TTC28: variants seen among roughly 807,000 people sequenced by gnomAD.
TTC28 encodes the protein tetratricopeptide repeat domain 28.
TTC28 carries 61 observed loss-of-function variants against 198.0 expected under a neutral mutation model. The ratio of observed to expected loss-of-function variants is 0.31; its 90% CI spans 0.25 to 0.38. The LOEUF (loss-of-function observed/expected upper bound fraction) is 0.38, where lower values mean the gene tolerates loss of function less well. Ranked by LOEUF, TTC28 falls within the 10% of genes least tolerant of loss-of-function variation. The probability of loss-of-function intolerance (pLI) is 1.00; values close to 1 mark genes in which losing one functional copy is unlikely to be tolerated. For missense variants in TTC28, 2,678 were observed against 3,164.0 expected, an observed-to-expected ratio of 0.85 and a Z score of 3.69; for synonymous variants, 1,171 against 1,297.8, an observed-to-expected ratio of 0.90 and a Z score of 2.10.
intron 2 of TTC28, among the ~76,000 whole-genome samples, chr22:28,424,259 G>C (rs2047310865): frequency 6.6e-6 from 1 of 152,062 alleles, no homozygotes; most frequent in South Asian, 2.1e-4. Context: ...AAATAAATGT[G>C]TTCTATTGTT....
chr22:28,043,145 G>A (rs1320120954), intron 12 of TTC28, among the ~76,000 whole-genome samples: 1 of 145,626 alleles, frequency 6.9e-6, no homozygotes, highest in Non-Finnish European at 1.5e-5. Context: ...TCGGGAGGCT[G>A]AGGCAGAGAA....
At chr22:27,984,758 C>T (rs1234982445) in intron 22 of TTC28, among the ~76,000 whole-genome samples, 1 of 152,230 alleles carries the variant, frequency 6.6e-6, no homozygotes, top group Non-Finnish European at 1.5e-5. Context: ...CACTTTGACC[C>T]ATCTGTCATG....
chr22:28,339,182 A>G (rs1381258161), intron 2 of TTC28, among the ~76,000 whole-genome samples: 2 of 152,154 alleles, frequency 1.3e-5, no homozygotes, highest in African/African-American at 4.8e-5. Context: ...GAGGTTGCAG[A>G]ACAGCGGATG....
chr22:28,585,577 C>T (rs919581569), intron 2 of TTC28, among the ~76,000 whole-genome samples: 1 of 152,130 alleles, frequency 6.6e-6, no homozygotes, highest in Non-Finnish European at 1.5e-5. Context: ...TAACAGGACA[C>T]GGACCAGTAT....
intron 2 of TTC28, among the ~76,000 whole-genome samples, chr22:28,522,905 G>A (rs565488536): frequency 5.3e-5 from 8 of 152,040 alleles, no homozygotes; most frequent in Middle Eastern, 6.8e-3. Flanking sequence ...GAGAGTGATC[G>A]TTAATGGGTA....
Position 28,640,323 on chromosome 22 carries a change from GGA to G in TTC28, c.103-10495_103-10494del, listed in dbSNP as rs1491241601. On this transcript the variant is annotated intron_variant, in intron 1 of 22. Coordinates refer to ENST00000397906, the MANE Select transcript of TTC28 (RefSeq NM_001145418.2). ...GAGAAAAAAAGTAAAGGGGGGGGGG[GGA>G]AAGATGAGCAATAAGAGACCTAAGT... 6.9e-4 allele frequency among the ~76,000 whole-genome samples: 94 copies of G among 136,228 alleles called. 1 individual carries two copies. Among genetic ancestry groups the G allele is most frequent in the African/African-American group, 2.2e-3 (80 of 36,704 alleles). The allele number at this position is 136,228 out of a possible 152,430, so 89.4% of individuals were successfully genotyped here. A position where few individuals can be genotyped will look rare whatever the true frequency, so the allele number is the denominator to read the frequency against.
chr22:28,236,434 G>A (rs150256742), intron 5 of TTC28, among the ~76,000 whole-genome samples: 1 of 152,266 alleles, frequency 6.6e-6, no homozygotes, highest in East Asian at 1.9e-4. Flanking sequence ...TGGGAATCTG[G>A]AATTGGTTCT....
chr22:28,166,508 A>G (rs1921977382), intron 5 of TTC28, among the ~76,000 whole-genome samples: 1 of 152,252 alleles, frequency 6.6e-6, no homozygotes, highest in Admixed American at 6.5e-5. Flanking sequence ...AGAACTCAGG[A>G]TTAAGAAATT....
intron 6 of TTC28, among the ~76,000 whole-genome samples, chr22:28,146,955 T>G (rs1028037935): frequency 1.1e-4 from 17 of 152,118 alleles, no homozygotes; most frequent in African/African-American, 4.1e-4. Context: ...TACCAGAAAA[T>G]GAAAGCATTC....
At chr22:28,327,800 T>C (rs1444447499) in intron 2 of TTC28, among the ~76,000 whole-genome samples, 2 of 152,212 alleles carry the variant, frequency 1.3e-5, no homozygotes, top group Non-Finnish European at 2.9e-5. Context: ...AGTGGATACC[T>C]GCATCTATAA....
At chr22:28,080,943 G>A (rs996398813) in intron 12 of TTC28, among the ~76,000 whole-genome samples, 1 of 151,994 alleles carries the variant, frequency 6.6e-6, no homozygotes, top group Non-Finnish European at 1.5e-5. Context: ...TGAAGAAATT[G>A]TTCTCTCCCC....
intron 2 of TTC28, among the ~76,000 whole-genome samples, chr22:28,338,630 T>C (rs532019813): frequency 6.6e-6 from 1 of 152,364 alleles, no homozygotes. Flanking sequence ...GTTGATCAAA[T>C]CAGCTACTGA....
chr22:28,544,384 A>G (rs936869068), intron 2 of TTC28, among the ~76,000 whole-genome samples: 3 of 152,254 alleles, frequency 2.0e-5, no homozygotes, highest in African/African-American at 7.2e-5. Flanking sequence ...ATTTGATAGT[A>G]TTCAAGATCC....
At chr22:28,225,215 C>T (rs779765854) in intron 5 of TTC28, among the ~76,000 whole-genome samples, 1 of 151,770 alleles carries the variant, frequency 6.6e-6, no homozygotes, top group Non-Finnish European at 1.5e-5. Flanking sequence ...ATTGGCCAGG[C>T]GTGATGGTGC....
chr22:28,543,821 A>C (rs552289479), intron 2 of TTC28, among the ~76,000 whole-genome samples: 1 of 152,358 alleles, frequency 6.6e-6, no homozygotes, highest in African/African-American at 2.4e-5. Flanking sequence ...ATCTTTAATG[A>C]ACACAGATGA....
intron 13 of TTC28, among the ~76,000 whole-genome samples, chr22:28,024,523 AAG>A (rs1159555597): frequency 3.3e-5 from 5 of 152,212 alleles, no homozygotes; most frequent in African/African-American, 7.2e-5. Flanking sequence ...GACTCCTGTC[AAG>A]AGAGGGACAC....
chr22:28,135,922 T>C (rs536258025), intron 6 of TTC28, among the ~76,000 whole-genome samples: 1 of 152,294 alleles, frequency 6.6e-6, no homozygotes, highest in South Asian at 2.1e-4. Context: ...CTAAGACTGA[T>C]TTGAATGTAC....
chr22:28,182,807 CAA>C (rs1205013662), intron 5 of TTC28, among the ~76,000 whole-genome samples: 2 of 152,200 alleles, frequency 1.3e-5, no homozygotes, highest in Non-Finnish European at 2.9e-5. Flanking sequence ...TCACAACAAA[CAA>C]GAGACAGAGA....
chr22:28,337,656 T>C (rs543598504), intron 2 of TTC28, among the ~76,000 whole-genome samples: 3 of 152,328 alleles, frequency 2.0e-5, no homozygotes, highest in East Asian at 3.9e-4. Context: ...GAGAGTAGGA[T>C]TGCAACACCT....
Sources: allele counts gnomAD v4.1 joint callset (sites outside exome capture counted in the v4.1 genomes callset), GRCh38; gene constraint gnomAD v4.1.1; transcripts MANE v1.5; gene names NCBI Gene and HGNC (gene_info 2026-07-23, HGNC 2026-07-21).